SF3B1: variants seen among roughly 807,000 people sequenced by gnomAD.
SF3B1 encodes splicing factor 3b subunit 1.
Under a neutral mutation model 153.8 loss-of-function variants are expected in SF3B1, and 12 were observed. That is an observed-to-expected ratio of 0.08 (90% CI 0.05 to 0.13). The LOEUF is 0.13. SF3B1 is among the 10% of genes least tolerant of loss of function. SF3B1 has a pLI of 1.00. For missense variants in SF3B1, 513 were observed against 1,606.1 expected, an observed-to-expected ratio of 0.32 and a Z score of 11.63; for synonymous variants, 498 against 525.2, an observed-to-expected ratio of 0.95 and a Z score of 0.71.
Position 197,420,499 on chromosome 2 carries a change from C to T in SF3B1, c.344G>A (p.Arg115Gln), listed in dbSNP as rs2085222549. 2 of 1,613,228 alleles carry T rather than the reference C, an allele frequency of 1.2e-6. No individual in the cohort carries two copies. The highest frequency in any genetic ancestry group is 1.7e-6 in the Non-Finnish European group (2 of 1,179,398). Residue 115 changes from arginine (R) to glutamine (Q), a missense_variant, in exon 4 of 25, where the codon CGG (arginine) becomes CAG (glutamine). Coordinates refer to ENST00000335508, the MANE Select transcript of SF3B1 (RefSeq NM_012433.4). Reference sequence around the variant, plus strand: ...CCTATGCTTTTTGTATTCATCTTCCCGGTCTGCAATCTTTGGAGGTCTGTG... The same window carrying T: ...CCTATGCTTTTTGTATTCATCTTCCTGGTCTGCAATCTTTGGAGGTCTGTG... ...AEHRPPKIAD[R>Q]EDEYKKHRRT...
rs773585444 is a variant in SF3B1 at position 197,400,051 on chromosome 2, A to C, written c.3013+4T>G. 3 of 1,570,124 alleles carry C rather than the reference A, an allele frequency of 1.9e-6. No individual in the cohort carries two copies. Among genetic ancestry groups the C allele is most frequent in the Non-Finnish European group, 8.7e-7 (1 of 1,144,814 alleles). Reference sequence around the variant, plus strand: ...AAGTCTTATGTAACCAGCAAATTCCATACCTATGACATTTACAATGGCCTT... The same window carrying C: ...AAGTCTTATGTAACCAGCAAATTCCCTACCTATGACATTTACAATGGCCTT... On this transcript the variant is annotated splice_donor_region_variant and intron_variant, in intron 20 of 24. Transcript: ENST00000335508. The surrounding 1 kb of genome is among the most constrained non-coding windows in gnomAD (Gnocchi z 5.0).
intron 1 of SF3B1, among the ~76,000 whole-genome samples, chr2:197,424,957 C>T (rs547899094): frequency 7.2e-5 from 11 of 152,004 alleles, no homozygotes; most frequent in Non-Finnish European, 1.5e-4. Context: ...GTCAGGCATT[C>T]GAGACCAGCC....
chr2:197,404,969 G>A, intron 11 of SF3B1, 107 bp downstream of exon 11: 1 of 731,000 alleles, frequency 1.4e-6, no homozygotes, highest in Non-Finnish European at 2.2e-6. Flanking sequence ...GATCACTTGA[G>A]ACCAGCCTGG....
rs1249828832 is a variant in SF3B1, at chr2:197,401,643, T to A, written c.2370+99A>T. The A allele has an allele frequency of 2.4e-5, 35 of 1,472,552 alleles. No individual in the cohort carries two copies. Among genetic ancestry groups the A allele is most frequent in the Non-Finnish European group, 2.7e-5 (29 of 1,075,206 alleles). 91.2% of individuals were successfully genotyped at this position (1,472,552 alleles called of 1,614,324 possible). On this transcript the variant is annotated intron_variant, in intron 16 of 24. Coordinates refer to ENST00000335508, the MANE Select transcript of SF3B1 (RefSeq NM_012433.4). This position sits in a 1 kb window ranked among gnomAD's most constrained non-coding sequence, Gnocchi z 4.2. The stretch of plus-strand genomic sequence containing the variant: ...AAAAACAAATCAAACAGTATTCGTG[T>A]AACATACAGTTTTTTTTGTTGATTT...
In SF3B1 at chr2:197,400,996, C is replaced by T; in HGVS notation, c.2497-60G>A. On this transcript the variant is annotated intron_variant, in intron 17 of 24. Coordinates refer to ENST00000335508, the MANE Select transcript of SF3B1 (RefSeq NM_012433.4). The surrounding 1 kb of genome is among the most constrained non-coding windows in gnomAD (Gnocchi z 5.0). Reference sequence around the variant, plus strand: ...CTGCTTTTCCAAGGAAATAAAGCAACATCATGAAAACCAAATACTCTAAAT... The same window carrying T: ...CTGCTTTTCCAAGGAAATAAAGCAATATCATGAAAACCAAATACTCTAAAT... 9.4e-7 allele frequency: 1 copy of T among 1,064,102 alleles called. No homozygotes were observed. The highest frequency in any genetic ancestry group is 1.4e-5 in the South Asian group (1 of 71,008). 65.9% of individuals were successfully genotyped at this position (1,064,102 alleles called of 1,614,324 possible). A position where few individuals can be genotyped will look rare whatever the true frequency, so the allele number is the denominator to read the frequency against.
At chr2:197,403,105 T>TA in intron 12 of SF3B1, 70 bp from the exon 13 acceptor site, 1 of 1,068,538 alleles carries the variant, frequency 9.4e-7, no homozygotes, top group South Asian at 1.4e-5. Context: ...TGTACAGAAT[T>TA]AAACATACAT....
chr2:197,419,565 CT>C, intron 4 of SF3B1: 5 of 222,610 alleles, frequency 2.2e-5, no homozygotes, highest in East Asian at 1.3e-4. Context: ...CTTTGGAATA[CT>C]TTTTCACCAT....
At chr2:197,410,532 G>A (rs1305240239) in intron 6 of SF3B1, among the ~76,000 whole-genome samples, 1 of 122,598 alleles carries the variant, frequency 8.2e-6, no homozygotes, top group Non-Finnish European at 1.6e-5. Context: ...TTGAGACAGA[G>A]TCTCGCTCTG....
At position 197,400,610 on chromosome 2, in the gene SF3B1, A is replaced by T; in HGVS notation, c.2718+105T>A. Reference sequence around the variant, plus strand: ...TGGTAACCCCCTGAGCATTTTAAAAATTACTTCAAATTCAATTGCATTCTA... The same window carrying T: ...TGGTAACCCCCTGAGCATTTTAAAATTTACTTCAAATTCAATTGCATTCTA... On this transcript the variant is annotated intron_variant, in intron 18 of 24. Transcript: ENST00000335508. The surrounding 1 kb of genome is among the most constrained non-coding windows in gnomAD (Gnocchi z 5.0). 9.5e-7 allele frequency: 1 copy of T among 1,051,306 alleles called. No homozygotes were observed. Among genetic ancestry groups the T allele is most frequent in the Non-Finnish European group, 1.4e-6 (1 of 726,528 alleles). The allele number at this position is 1,051,306 out of a possible 1,614,324, so 65.1% of individuals were successfully genotyped here. A position where few individuals can be genotyped will look rare whatever the true frequency, so the allele number is the denominator to read the frequency against.
rs549742731 is a variant in SF3B1, at chr2:197,397,076, T to C, written c.3267-748A>G. On this transcript the variant is annotated intron_variant, in intron 22 of 24. Coordinates refer to ENST00000335508, the MANE Select transcript of SF3B1 (RefSeq NM_012433.4). ...TTCTACAATGACTGTTTTTTCCTATTTTAGTTGTGATGGAGTGGAAGCAAA... is the reference window on the plus strand; with the variant it reads ...TTCTACAATGACTGTTTTTTCCTATCTTAGTTGTGATGGAGTGGAAGCAAA... Among the ~76,000 whole-genome samples the C allele has an allele frequency of 9.2e-5, 14 of 152,316 alleles. No homozygotes were observed. In the South Asian group the frequency reaches 1.7e-3, roughly 18 times the overall value.
chr2:197,434,445 T>G (rs1281162022), intron 1 of SF3B1, among the ~76,000 whole-genome samples: 1 of 152,196 alleles, frequency 6.6e-6, no homozygotes, highest in Non-Finnish European at 1.5e-5. Flanking sequence ...AACTACCAGA[T>G]TTTATCCCCA....
intron 23 of SF3B1, 68 bp downstream of exon 23, chr2:197,395,988 A>C: frequency 1.5e-6 from 2 of 1,378,012 alleles, no homozygotes; most frequent in Non-Finnish European, 2.0e-6. Context: ...TCTAATAACT[A>C]TTTCACGATG....
At chr2:197,428,844 G>A (rs776979280) in intron 1 of SF3B1, among the ~76,000 whole-genome samples, 6 of 151,958 alleles carry the variant, frequency 3.9e-5, no homozygotes, top group South Asian at 2.1e-4. Flanking sequence ...GCAGTGAGCC[G>A]AGATCACAGC....
intron 6 of SF3B1, among the ~76,000 whole-genome samples, chr2:197,410,707 C>T (rs1347648611): frequency 6.6e-6 from 1 of 151,768 alleles, no homozygotes; most frequent in Non-Finnish European, 1.5e-5. Context: ...GGTTTCTCCA[C>T]GTTGGTCAGG....
chr2:197,410,628 C>T (rs1381056049), intron 6 of SF3B1, among the ~76,000 whole-genome samples: 1 of 151,294 alleles, frequency 6.6e-6, no homozygotes, highest in Non-Finnish European at 1.5e-5. Context: ...GCCTCAGCCT[C>T]CTGAGTAGCT....
chr2:197,416,987 T>C, intron 5 of SF3B1, 76 bp from the exon 6 acceptor site: 2 of 1,394,158 alleles, frequency 1.4e-6, no homozygotes, highest in Non-Finnish European at 2.0e-6. Context: ...TCACTTCCAC[T>C]TAACATCCTA....
At chr2:197,416,673 C>A in intron 6 of SF3B1, 68 bp downstream of exon 6, 2 of 1,350,732 alleles carry the variant, frequency 1.5e-6, no homozygotes, top group Non-Finnish European at 2.0e-6. Flanking sequence ...GCAACCCAAG[C>A]AGACTAATAC....
intron 9 of SF3B1, among the ~76,000 whole-genome samples, chr2:197,407,213 T>C (rs1046550654): frequency 2.0e-5 from 3 of 152,210 alleles, no homozygotes; most frequent in Non-Finnish European, 2.9e-5. Flanking sequence ...CTGGTTATGA[T>C]GTCAGCTATA....
At chr2:197,422,384 C>T (rs1222329445) in intron 2 of SF3B1, among the ~76,000 whole-genome samples, 3 of 147,904 alleles carry the variant, frequency 2.0e-5, no homozygotes, top group African/African-American at 7.4e-5. Context: ...GGATGGGGAA[C>T]ATCACACACC....
Sources: gnomAD v4.1 joint callset for allele counts (sites outside exome capture counted in the v4.1 genomes callset) on GRCh38, gnomAD v4.1.1 for gene constraint, Gnocchi (gnomAD v3.1) non-coding constraint, MANE v1.5 for transcripts, NCBI Gene and HGNC (gene_info 2026-07-23, HGNC 2026-07-21) for gene names.